KCNK12: variants seen among roughly 807,000 people sequenced by gnomAD.
KCNK12 encodes the protein potassium channel subfamily K member 12.
In KCNK12, 6 loss-of-function variants were observed where a neutral mutation model predicts 25.3. The ratio of observed to expected loss-of-function variants is 0.24; its 90% CI spans 0.13 to 0.47. KCNK12 has a LOEUF of 0.47. KCNK12 is among the 20% of genes least tolerant of loss of function. The pLI, the probability that KCNK12 is intolerant of heterozygous loss-of-function variation, is 0.99. For missense variants in KCNK12, 444 were observed against 661.7 expected, an observed-to-expected ratio of 0.67 and a Z score of 3.61; for synonymous variants, 331 against 311.1, an observed-to-expected ratio of 1.06 and a Z score of -0.67.
At position 47,569,767 on chromosome 2, in the gene KCNK12, G is replaced by GGA. The variant is rs148051783; in HGVS notation, c.391+172_391+173dup. Among the ~76,000 whole-genome samples the GGA allele has an allele frequency of 4.0e-5, 6 of 151,418 alleles. No homozygotes were observed. The highest frequency in any genetic ancestry group is 7.3e-5 in the African/African-American group (3 of 41,312). On this transcript the variant is annotated intron_variant, in intron 1 of 1. Coordinates refer to ENST00000327876, the MANE Select transcript of KCNK12 (RefSeq NM_022055.2). The surrounding 1 kb of genome is among the most constrained non-coding windows in gnomAD (Gnocchi z 4.1). ...TTCTTCCCTCACTGAAAGCCGGGAG[G>GGA]GAGAGAGAGAGAGAGAACGGGGGCC... is the stretch of plus-strand genomic sequence containing the variant.
In KCNK12 at chr2:47,510,753, G is replaced by A. The variant is rs1432044124; in HGVS notation, c.*10154C>T. ...ACAAGATGGTGTACAGGAGAAACAG[G>A]TCTATTAACCCTGGTATTAATATTA... On this transcript the variant is annotated 3_prime_UTR_variant, in exon 2 of 2. Transcript: ENST00000327876. The A allele has an allele frequency of 6.6e-6, 1 of 152,196 alleles. No individual in the cohort carries two copies. Among genetic ancestry groups the A allele is most frequent in the Admixed American group, 6.5e-5 (1 of 15,284 alleles). 9.4% of individuals were successfully genotyped at this position (152,196 alleles called of 1,614,324 possible). A position where few individuals can be genotyped will look rare whatever the true frequency, so the allele number is the denominator to read the frequency against.
At chr2:47,522,287 C>T (rs147618671) in intron 1 of KCNK12, among the ~76,000 whole-genome samples, 4 of 152,306 alleles carry the variant, frequency 2.6e-5, no homozygotes, top group Non-Finnish European at 5.9e-5. Flanking sequence ...CAAATATTTA[C>T]ATTAGAAATC....
At position 47,514,452 on chromosome 2, in the gene KCNK12, C is replaced by T. The variant is rs891730577; in HGVS notation, c.*6455G>A. 1.2e-4 allele frequency among the ~76,000 whole-genome samples: 19 copies of T among 152,216 alleles called. No individual in the cohort carries two copies. Among genetic ancestry groups the T allele is most frequent in the East Asian group, 5.8e-4 (3 of 5,198 alleles). Reference sequence around the variant, plus strand: ...AGGGGATGCCTGACCCCAAACTAGACGAGTTACTTGACCTCTCTGACCCAA... The same window carrying T: ...AGGGGATGCCTGACCCCAAACTAGATGAGTTACTTGACCTCTCTGACCCAA... On this transcript the variant is annotated 3_prime_UTR_variant, in exon 2 of 2. Coordinates refer to ENST00000327876, the MANE Select transcript of KCNK12 (RefSeq NM_022055.2). The surrounding 1 kb of genome is among the most constrained non-coding windows in gnomAD (Gnocchi z 5.0).
chr2:47,529,472 A>T lies in KCNK12; in HGVS notation c.392-7664T>A, dbSNP rs568192173. ...AATCTGTCCAACTACAAATATTTTG[A>T]TTTAAATTTCCATTGACCTAAAATT... On this transcript the variant is annotated intron_variant, in intron 1 of 1. Transcript: ENST00000327876. This position sits in a 1 kb window ranked among gnomAD's most constrained non-coding sequence, Gnocchi z 4.3. Among the ~76,000 whole-genome samples the T allele has an allele frequency of 1.2e-4, 18 of 152,226 alleles. No homozygotes were observed. Among genetic ancestry groups the T allele is most frequent in the Non-Finnish European group, 2.4e-4 (16 of 68,036 alleles).
Position 47,551,722 on chromosome 2 carries a change from A to C in KCNK12, c.391+18219T>G, listed in dbSNP as rs1669436949. Among the ~76,000 whole-genome samples, 2 of 152,242 alleles carry C rather than the reference A, an allele frequency of 1.3e-5. No homozygotes were observed. Among genetic ancestry groups the C allele is most frequent in the Non-Finnish European group, 1.5e-5 (1 of 68,044 alleles). On this transcript the variant is annotated intron_variant, in intron 1 of 1. Transcript: ENST00000327876. This position sits in a 1 kb window ranked among gnomAD's most constrained non-coding sequence, Gnocchi z 5.3. ...GCTCTCCAGTTCTAGACTCGTTGAC[A>C]CATAAAAATATTTTGGTGCTAGTCC...
At chr2:47,537,894 T>C (rs556285806) in intron 1 of KCNK12, among the ~76,000 whole-genome samples, 18 of 152,112 alleles carry the variant, frequency 1.2e-4, no homozygotes, top group Non-Finnish European at 2.4e-4. Context: ...GCAGGTGCCA[T>C]TGGAACTGAG....
In KCNK12 at chr2:47,566,250, C is replaced by T. The variant is rs1669784561; in HGVS notation, c.391+3691G>A. ...TGTGGATACGGGGCCCTGTTCAAAC[C>T]AAATATCAGGACAAACATTCTACTT... On this transcript the variant is annotated intron_variant, in intron 1 of 1. Transcript: ENST00000327876. The surrounding 1 kb of genome is among the most constrained non-coding windows in gnomAD (Gnocchi z 4.1). 1 of 152,192 alleles carries T rather than the reference C, an allele frequency of 6.6e-6. No individual in the cohort carries two copies. The highest frequency in any genetic ancestry group is 1.5e-5 in the Non-Finnish European group (1 of 68,038). 9.4% of individuals were successfully genotyped at this position (152,192 alleles called of 1,614,324 possible).
chr2:47,521,546 G>A lies in KCNK12; in HGVS notation c.654C>T (p.Leu218=). The stretch of plus-strand genomic sequence containing the variant: ...GCAGCACGGCGAACAGGCCCAGGAT[G>A]AGCAGCACGTGGTACACCGAGGGCT... The part of the protein sequence containing the change: ...GWKPSVYHVL[L]ILGLFAVLLS... The change falls in exon 2 of 2, where the codon CTC becomes CTT. Residue 218 remains leucine, a synonymous_variant. Transcript: ENST00000327876. 1 of 1,562,792 alleles carries A rather than the reference G, an allele frequency of 6.4e-7. No individual in the cohort carries two copies. The highest frequency in any genetic ancestry group is 8.7e-7 in the Non-Finnish European group (1 of 1,153,714).
At position 47,512,388 on chromosome 2, in the gene KCNK12, G is replaced by A; in HGVS notation, c.*8519C>T. The A allele has an allele frequency of 6.2e-7, 1 of 1,611,756 alleles. No individual in the cohort carries two copies. The highest frequency in any genetic ancestry group is 1.1e-5 in the South Asian group (1 of 90,740). On this transcript the variant is annotated 3_prime_UTR_variant, in exon 2 of 2. Coordinates refer to ENST00000327876, the MANE Select transcript of KCNK12 (RefSeq NM_022055.2). ...CTTCGTGGGGGAAAGAGATCTGCTT[G>A]CAGTCGGCCAGAGAGACAGAACCAG...
rs747078542 is a variant in KCNK12, at chr2:47,521,605, C to A, written c.595G>T (p.Ala199Ser). 6.4e-7 allele frequency: 1 copy of A among 1,565,438 alleles called. No individual in the cohort carries two copies. The highest frequency in any genetic ancestry group is 2.3e-5 in the East Asian group (1 of 42,822). The change falls in exon 2 of 2, where the codon GCG becomes TCG. Residue 199 changes from alanine (A) to serine (S), a missense_variant. Physicochemically the swap from Ala to Ser is moderately conservative, Grantham distance 99 (BLOSUM62 1). Coordinates refer to ENST00000327876, the MANE Select transcript of KCNK12 (RefSeq NM_022055.2). ...GCCAGGCTGTCGGCCTCCGAGAGCG[C>A]GGAGCCGCGGCGGAAGGTGGCGGGC... is the stretch of plus-strand genomic sequence containing the variant. ...LLPATFRRGS[A>S]LSEADSLAGW... is the part of the protein sequence containing the mutation.
intron 1 of KCNK12, among the ~76,000 whole-genome samples, chr2:47,545,742 A>T (rs929925498): frequency 5.3e-5 from 8 of 152,208 alleles, no homozygotes; most frequent in African/African-American, 1.9e-4. Context: ...AAATGAGAAG[A>T]AGTGTGTAAA....
intron 1 of KCNK12, among the ~76,000 whole-genome samples, chr2:47,539,027 C>T (rs758551540): frequency 2.6e-5 from 4 of 152,198 alleles, no homozygotes; most frequent in Admixed American, 2.0e-4. Context: ...AAAGGAAATT[C>T]GATGAAACGA....
Position 47,517,039 on chromosome 2 carries a change from C to T in KCNK12, c.*3868G>A, listed in dbSNP as rs1444125801. Reference sequence around the variant, plus strand: ...GCACATTATACAACAATACAAGAACCCTGCAACAGATAAAGCCCCAGCGCC... The same window carrying T: ...GCACATTATACAACAATACAAGAACTCTGCAACAGATAAAGCCCCAGCGCC... On this transcript the variant is annotated 3_prime_UTR_variant, in exon 2 of 2. Coordinates refer to ENST00000327876, the MANE Select transcript of KCNK12 (RefSeq NM_022055.2). The surrounding 1 kb of genome is among the most constrained non-coding windows in gnomAD (Gnocchi z 4.1). 6.6e-6 allele frequency: 1 copy of T among 152,270 alleles called. No individual in the cohort carries two copies. The highest frequency in any genetic ancestry group is 1.5e-5 in the Non-Finnish European group (1 of 68,072). The allele number at this position is 152,270 out of a possible 1,614,324, so 9.4% of individuals were successfully genotyped here. A position where few individuals can be genotyped will look rare whatever the true frequency, so the allele number is the denominator to read the frequency against.
At position 47,557,228 on chromosome 2, in the gene KCNK12, A is replaced by G. The variant is rs1669568531; in HGVS notation, c.391+12713T>C. Among the ~76,000 whole-genome samples, 1 of 152,192 alleles carries G rather than the reference A, an allele frequency of 6.6e-6. No homozygotes were observed. On this transcript the variant is annotated intron_variant, in intron 1 of 1. Coordinates refer to ENST00000327876, the MANE Select transcript of KCNK12 (RefSeq NM_022055.2). The surrounding 1 kb of genome is among the most constrained non-coding windows in gnomAD (Gnocchi z 4.9). ...ATTGGATCATGTGGGTTCTGTTCTC[A>G]TGAATGGATTAATGTCATCATCACT...
chr2:47,526,337 C>T (rs1340773831), intron 1 of KCNK12, among the ~76,000 whole-genome samples: 5 of 147,662 alleles, frequency 3.4e-5, no homozygotes, highest in African/African-American at 7.5e-5. Flanking sequence ...ACCCAGGAGG[C>T]GGAGCTTGCA....
At chr2:47,552,360 C>T (rs905382351) in intron 1 of KCNK12, among the ~76,000 whole-genome samples, 7 of 152,098 alleles carry the variant, frequency 4.6e-5, no homozygotes, top group African/African-American at 1.2e-4. Context: ...GGAGGGGTAT[C>T]CTCCTCCAGC....
At chr2:47,552,221 AC>A (rs1669450669) in intron 1 of KCNK12, among the ~76,000 whole-genome samples, 1 of 152,202 alleles carries the variant, frequency 6.6e-6, no homozygotes. Flanking sequence ...TCATTGCCAC[AC>A]ACCAACCTCT....
rs1042536898 is a variant in KCNK12 at position 47,551,206 on chromosome 2, G to A, written c.391+18735C>T. Among the ~76,000 whole-genome samples, 5 of 152,134 alleles carry A rather than the reference G, an allele frequency of 3.3e-5. No individual in the cohort carries two copies. Among genetic ancestry groups the A allele is most frequent in the South Asian group, 4.2e-4 (2 of 4,804 alleles). On this transcript the variant is annotated intron_variant, in intron 1 of 1. Transcript: ENST00000327876. The surrounding 1 kb of genome is among the most constrained non-coding windows in gnomAD (Gnocchi z 5.3). ...ATTCCAGACACACTGGCTTCCTTGC[G>A]GCTCCTCCAGCAAACCCTGCAAGCT... is the stretch of plus-strand genomic sequence containing the variant.
In KCNK12 at chr2:47,569,638, G is replaced by C. The variant is rs935127501; in HGVS notation, c.391+303C>G. On this transcript the variant is annotated intron_variant, in intron 1 of 1. Transcript: ENST00000327876. This position sits in a 1 kb window ranked among gnomAD's most constrained non-coding sequence, Gnocchi z 4.1. Reference sequence around the variant, plus strand: ...AAACAGGAAGGAACCGGTAGCCCTTGGCACGTATTCTTAGAGGAGAAAACG... The same window carrying C: ...AAACAGGAAGGAACCGGTAGCCCTTCGCACGTATTCTTAGAGGAGAAAACG... Among the ~76,000 whole-genome samples the C allele has an allele frequency of 6.6e-6, 1 of 152,144 alleles. No homozygotes were observed. Among genetic ancestry groups the C allele is most frequent in the Non-Finnish European group, 1.5e-5 (1 of 68,014 alleles).
Sources: allele counts gnomAD v4.1 joint callset (sites outside exome capture counted in the v4.1 genomes callset), GRCh38; gene constraint gnomAD v4.1.1; non-coding constraint Gnocchi (gnomAD v3.1); transcripts MANE v1.5; gene names NCBI Gene and HGNC (gene_info 2026-07-23, HGNC 2026-07-21).